The following PXT1 variants were observed in gnomAD, a reference collection of about 807,000 sequenced individuals.
PXT1 encodes the protein peroxisomal testis enriched protein 1.
In PXT1, 11 loss-of-function variants were observed where a neutral mutation model predicts 11.0. That is an observed-to-expected ratio of 1.00 (90% CI 0.63 to 1.66). PXT1 has a LOEUF of 1.66. Among genes scored for constraint, PXT1 ranks in the 40% most tolerant of loss-of-function variants. The pLI, the probability that PXT1 is intolerant of heterozygous loss-of-function variation, is 0.00. For missense variants in PXT1, 141 were observed against 155.5 expected, an observed-to-expected ratio of 0.91 and a Z score of 0.49; for synonymous variants, 43 against 51.4, an observed-to-expected ratio of 0.84 and a Z score of 0.70.
At chr6:36,431,930 G>A (rs1317825606) in intron 2 of PXT1, among the ~76,000 whole-genome samples, 1 of 152,038 alleles carries the variant, frequency 6.6e-6, no homozygotes, top group Non-Finnish European at 1.5e-5. Flanking sequence ...AATTAGCCGG[G>A]CATGGTGGTG....
At chr6:36,425,651 G>A (rs1774590916) in intron 3 of PXT1, among the ~76,000 whole-genome samples, 1 of 151,744 alleles carries the variant, frequency 6.6e-6, no homozygotes, top group Non-Finnish European at 1.5e-5. Context: ...AGCCCAGCGT[G>A]GTGGTGGGCG....
At position 36,415,313 on chromosome 6, in the gene PXT1, C is replaced by T. The variant is rs1278481480; in HGVS notation, c.169+10601G>A. On this transcript the variant is annotated intron_variant, in intron 3 of 4. Transcript: ENST00000454782. ...CAAAAATTAGCCAGACATGGTGGCG[C>T]GTGCCTGTAATCCCAGCTACTAGGG... is the stretch of plus-strand genomic sequence containing the variant. Among the ~76,000 whole-genome samples, 4 of 152,150 alleles carry T rather than the reference C, an allele frequency of 2.6e-5. No homozygotes were observed. In the East Asian group the frequency reaches 5.8e-4, roughly 22 times the overall value.
intron 3 of PXT1, among the ~76,000 whole-genome samples, chr6:36,423,381 C>T (rs990192706): frequency 1.5e-4 from 23 of 152,266 alleles, no homozygotes; most frequent in African/African-American, 5.1e-4. Context: ...ACCCCGCTCC[C>T]GCCCTAGGCT....
intron 3 of PXT1, among the ~76,000 whole-genome samples, chr6:36,423,432 G>A (rs940280715): frequency 7.9e-5 from 12 of 152,372 alleles, no homozygotes; most frequent in Admixed American, 5.2e-4. Context: ...GAGCAGGTTA[G>A]GCGATAGAGG....
chr6:36,414,489 G>C (rs1355988728), intron 3 of PXT1, among the ~76,000 whole-genome samples: 1 of 152,160 alleles, frequency 6.6e-6, no homozygotes, highest in Non-Finnish European at 1.5e-5. Flanking sequence ...AAACTGAAGG[G>C]ATTGTTTTAT....
chr6:36,427,813 C>T (rs1339213228), intron 2 of PXT1, among the ~76,000 whole-genome samples: 1 of 152,044 alleles, frequency 6.6e-6, no homozygotes, highest in African/African-American at 2.4e-5. Context: ...AGCCAGTGGC[C>T]ACTGTACTGT....
intron 3 of PXT1, among the ~76,000 whole-genome samples, chr6:36,423,146 A>G (rs971775555): frequency 2.0e-5 from 3 of 152,212 alleles, no homozygotes; most frequent in Admixed American, 6.5e-5. Context: ...AGCGAGTCAC[A>G]TTCCTGCCTT....
intron 2 of PXT1, among the ~76,000 whole-genome samples, chr6:36,430,907 C>T (rs1444385303): frequency 6.6e-6 from 1 of 152,150 alleles, no homozygotes; most frequent in African/African-American, 2.4e-5. Flanking sequence ...TTCCACCTCC[C>T]AGGCTCAAGC....
intron 3 of PXT1, among the ~76,000 whole-genome samples, chr6:36,418,551 TA>T (rs1236658245): frequency 3.3e-5 from 5 of 152,062 alleles, no homozygotes; most frequent in Non-Finnish European, 5.9e-5. Context: ...TGCTTTGATT[TA>T]AAAAAAATTA....
chr6:36,400,466 C>A lies in PXT1; in HGVS notation c.288G>T (p.Arg96Ser). 2 of 1,613,830 alleles carry A rather than the reference C, an allele frequency of 1.2e-6. No homozygotes were observed. Among genetic ancestry groups the A allele is most frequent in the Non-Finnish European group, 1.7e-6 (2 of 1,179,788 alleles). The change falls in exon 4 of 5, where the codon AGG becomes AGT. Residue 96 changes from arginine (R) to serine (S), a missense_variant. Arg to Ser is a moderately radical substitution (Grantham distance 110, BLOSUM62 -1). Transcript: ENST00000454782. ...LRHIGDNIDH[R>S]MVREDLQQDG... ...ACTGAAGCCTCACCTCTCGAACCAT[C>A]CTATGATCAATGTTGTCCCCAATGT...
At chr6:36,425,493 A>G (rs1474892773) in intron 3 of PXT1, among the ~76,000 whole-genome samples, 2 of 152,132 alleles carry the variant, frequency 1.3e-5, no homozygotes, top group African/African-American at 4.8e-5. Flanking sequence ...TAAATAATAT[A>G]TTTAATGTGG....
At chr6:36,433,898 CAT>C (rs917234228) in intron 2 of PXT1, among the ~76,000 whole-genome samples, 2 of 150,316 alleles carry the variant, frequency 1.3e-5, no homozygotes, top group African/African-American at 4.9e-5. Flanking sequence ...AGTGAGATGT[CAT>C]ATTGTCCGCC....
At chr6:36,411,684 G>A (rs956803791) in intron 3 of PXT1, among the ~76,000 whole-genome samples, 17 of 152,198 alleles carry the variant, frequency 1.1e-4, no homozygotes, top group African/African-American at 4.1e-4. Flanking sequence ...GCTCATGCCT[G>A]TAACCCCAGC....
Position 36,439,644 on chromosome 6 carries a change from GAAA to G in PXT1, c.-129-761_-129-759del, listed in dbSNP as rs11478447. On this transcript the variant is annotated intron_variant, in intron 1 of 4. Transcript: ENST00000454782. ...ACAACAACAACACTCATATAAGGCTGAAAAAAAAAAAAAAAAAACAACTAAGCA... is the reference window on the plus strand; with the variant it reads ...ACAACAACAACACTCATATAAGGCTGAAAAAAAAAAAAAAACAACTAAGCA... Among the ~76,000 whole-genome samples the G allele has an allele frequency of 4.6e-4, 47 of 102,812 alleles. 2 individuals are homozygous for G. Among genetic ancestry groups the G allele is most frequent in the African/African-American group, 1.3e-3 (37 of 27,962 alleles). 67.4% of individuals were successfully genotyped at this position (102,812 alleles called of 152,430 possible).
chr6:36,400,525 C>T lies in PXT1; in HGVS notation c.229G>A (p.Glu77Lys), dbSNP rs866992160. 3 of 1,613,964 alleles carry T rather than the reference C, an allele frequency of 1.9e-6. No individual in the cohort carries two copies. Among genetic ancestry groups the T allele is most frequent in the Non-Finnish European group, 2.5e-6 (3 of 1,179,898 alleles). Residue 77 changes from glutamate (E) to lysine (K), a missense_variant, in exon 4 of 5, where the codon GAA becomes AAA. Physicochemically the swap from Glu to Lys is moderately conservative, Grantham distance 56 (BLOSUM62 1). Coordinates refer to ENST00000454782, the MANE Select transcript of PXT1 (RefSeq NM_152990.4). The part of the protein sequence containing the change: ...HSIVQKHHQE[E>K]IIHKLAMQLR... The stretch of plus-strand genomic sequence containing the variant: ...TGCATGGCCAACTTGTGAATTATTT[C>T]CTCCTGGTGATGCTTCTGAACAATG...
chr6:36,409,824 TGGAAGGAA>T (rs201849950), intron 3 of PXT1, among the ~76,000 whole-genome samples: 234 of 97,664 alleles, frequency 2.4e-3, no homozygotes, highest in Non-Finnish European at 3.3e-3. Flanking sequence ...AGACCCTGTC[TGGAAGGAA>T]GGAAGGAAGG....
intron 2 of PXT1, among the ~76,000 whole-genome samples, chr6:36,435,007 A>G (rs373423831): frequency 2.6e-5 from 4 of 152,350 alleles, no homozygotes; most frequent in South Asian, 2.1e-4. Context: ...GAAAAACTCA[A>G]TTGTCACAGA....
intron 4 of PXT1, among the ~76,000 whole-genome samples, chr6:36,395,628 G>A (rs550184440): frequency 8.1e-5 from 12 of 148,770 alleles, no homozygotes; most frequent in Admixed American, 2.8e-4. Flanking sequence ...TCAGCCTTAC[G>A]AGTAGCTGGG....
chr6:36,430,455 A>C (rs1170366056), intron 2 of PXT1, among the ~76,000 whole-genome samples: 1 of 152,194 alleles, frequency 6.6e-6, no homozygotes, highest in African/African-American at 2.4e-5. Context: ...CTAATCATAT[A>C]ATCCTTAGAG....
Sources: allele counts gnomAD v4.1 joint callset (sites outside exome capture counted in the v4.1 genomes callset), GRCh38; gene constraint gnomAD v4.1.1; transcripts MANE v1.5; gene names NCBI Gene and HGNC (gene_info 2026-07-23, HGNC 2026-07-21).